Variants in KATNAL2 observed in about 807,000 individuals in gnomAD.
The protein encoded by KATNAL2 is katanin catalytic subunit A1 like 2.
In KATNAL2, 52 loss-of-function variants were observed where a neutral mutation model predicts 76.3. That is an observed-to-expected ratio of 0.68 (90% confidence interval 0.55 to 0.86). KATNAL2 has a LOEUF of 0.86. Ranked by LOEUF, KATNAL2 falls within the 40% of genes least tolerant of loss-of-function variation. KATNAL2 has a pLI of 0.00. For synonymous variants in KATNAL2, 243 were observed against 244.2 expected, an observed-to-expected ratio of 1.00 and a Z score of 0.05; for missense variants, 660 against 668.9, an observed-to-expected ratio of 0.99 and a Z score of 0.15.
Position 47,101,007 on chromosome 18 carries a change from A to G in KATNAL2, c.*2A>G, listed in dbSNP as rs1211330448. The G allele has an allele frequency of 2.5e-6, 4 of 1,613,902 alleles. No individual in the cohort carries two copies. The highest frequency in any genetic ancestry group is 3.4e-6 in the Non-Finnish European group (4 of 1,179,988). On this transcript the variant is annotated 3_prime_UTR_variant, in exon 18 of 18. Coordinates refer to ENST00000683218, the MANE Select transcript of KATNAL2 (RefSeq NM_001387690.1). ...CAAAGAGAGTTCGAGTCTGTCTGAA[A>G]CCACATTTACCCTGACCTGGCCACA...
chr18:47,052,905 G>A lies in KATNAL2; in HGVS notation c.148G>A (p.Glu50Lys). Residue 50 changes from glutamate (E) to lysine (K), a missense_variant, in exon 5 of 18, where the codon GAG becomes AAG. Transcript: ENST00000683218. ...EGYIDTANAL[E>K]QETKLGLRRF... is the part of the protein sequence containing the mutation. ...GTATATCGATACAGCAAATGCTTTGGAGCAAGAAACTAAACTGGGGTTACG... is the reference window on the plus strand; with the variant it reads ...GTATATCGATACAGCAAATGCTTTGAAGCAAGAAACTAAACTGGGGTTACG... 1.2e-6 allele frequency: 2 copies of A among 1,609,902 alleles called. No homozygotes were observed. Among genetic ancestry groups the A allele is most frequent in the South Asian group, 2.2e-5 (2 of 89,946 alleles).
Position 47,055,392 on chromosome 18 carries a change from G to A in KATNAL2, c.332+954G>A, listed in dbSNP as rs183899447. ...CATGCAACTTATTAGGCCCTCAAGA[G>A]GTATGGATTCTGTTATGCCTCCGCT... On this transcript the variant is annotated intron_variant, in intron 6 of 17. Coordinates refer to ENST00000683218, the MANE Select transcript of KATNAL2 (RefSeq NM_001387690.1). Among the ~76,000 whole-genome samples, 650 of 152,278 alleles carry A rather than the reference G, an allele frequency of 4.3e-3. 3 individuals carry two copies. The highest frequency in any genetic ancestry group is 6.5e-3 in the Non-Finnish European group (445 of 68,030).
intron 3 of KATNAL2, among the ~76,000 whole-genome samples, chr18:47,032,231 A>G (rs939925017): frequency 6.6e-6 from 1 of 152,242 alleles, no homozygotes; most frequent in Non-Finnish European, 1.5e-5. Flanking sequence ...GAAATCCGAT[A>G]GTTCCTTTTT....
Position 46,927,049 on chromosome 18 carries a change from C to G in KATNAL2, c.-510+9123C>G, listed in dbSNP as rs200082063. ...TTGACTTTTTATCCAATTTTCCAGT[C>G]TGTGTCTTTTAATTGGAGCATTTAG... is the stretch of plus-strand genomic sequence containing the variant. On this transcript the variant is annotated intron_variant, in intron 1 of 17. Coordinates refer to ENST00000683218, the MANE Select transcript of KATNAL2 (RefSeq NM_001387690.1). Among the ~76,000 whole-genome samples, 104 of 152,260 alleles carry G rather than the reference C, an allele frequency of 6.8e-4. 1 individual carries two copies. Among genetic ancestry groups the G allele is most frequent in the Admixed American group, 1.9e-3 (29 of 15,278 alleles).
In KATNAL2 at chr18:46,946,177, A is replaced by T. The variant is rs762925411; in HGVS notation, c.-389A>T. The stretch of plus-strand genomic sequence containing the variant: ...TGGAATAGGATTCACAGCAAGAGAG[A>T]CAGAAGGGAAAGACATTGAAGAAAC... On this transcript the variant is annotated 5_prime_UTR_variant, in exon 2 of 18. Transcript: ENST00000683218. 11 of 997,226 alleles carry T rather than the reference A, an allele frequency of 1.1e-5. No homozygotes were observed. The highest frequency in any genetic ancestry group is 1.3e-5 in the Non-Finnish European group (11 of 831,066). 61.8% of individuals were successfully genotyped at this position (997,226 alleles called of 1,614,324 possible).
At chr18:46,950,686 CTCTTTT>C (rs2059526071) in intron 3 of KATNAL2, among the ~76,000 whole-genome samples, 1 of 152,000 alleles carries the variant, frequency 6.6e-6, no homozygotes, top group African/African-American at 2.4e-5. Flanking sequence ...CATGTTTATA[CTCTTTT>C]TCTTTTTTTG....
At chr18:46,948,050 C>T (rs190661940) in intron 3 of KATNAL2, among the ~76,000 whole-genome samples, 2 of 152,252 alleles carry the variant, frequency 1.3e-5, no homozygotes, top group Non-Finnish European at 2.9e-5. Context: ...ACGAACTCTA[C>T]GTTTGAAAAA....
At chr18:46,942,378 A>G (rs931622916) in intron 1 of KATNAL2, among the ~76,000 whole-genome samples, 2 of 152,172 alleles carry the variant, frequency 1.3e-5, no homozygotes, top group Non-Finnish European at 2.9e-5. Flanking sequence ...ACACTTTGGG[A>G]GGCCGAGGTG....
At chr18:47,043,043 C>G (rs915564391) in intron 3 of KATNAL2, among the ~76,000 whole-genome samples, 1 of 151,820 alleles carries the variant, frequency 6.6e-6, no homozygotes, top group South Asian at 2.1e-4. Flanking sequence ...CTGGCTAATA[C>G]GGTGAAACCC....
chr18:46,921,592 G>A (rs2058548146), intron 1 of KATNAL2, among the ~76,000 whole-genome samples: 1 of 151,816 alleles, frequency 6.6e-6, no homozygotes, highest in Non-Finnish European at 1.5e-5. Flanking sequence ...TAGATCAGGT[G>A]TATGAGTGTA....
At chr18:46,936,787 A>C (rs1456627848) in intron 1 of KATNAL2, among the ~76,000 whole-genome samples, 1 of 152,116 alleles carries the variant, frequency 6.6e-6, no homozygotes, top group Non-Finnish European at 1.5e-5. Flanking sequence ...CCCCATCTCT[A>C]CTAAAAATAT....
intron 1 of KATNAL2, among the ~76,000 whole-genome samples, chr18:46,919,005 ATATGTGTG>A (rs1382012455): frequency 7.5e-5 from 11 of 147,180 alleles, no homozygotes; most frequent in African/African-American, 2.9e-4. Flanking sequence ...GTATATATAT[ATATGTGTG>A]TGTGTGTGTG....
Position 47,075,361 on chromosome 18 carries a change from G to C in KATNAL2, c.1093G>C (p.Ala365Pro). 1 of 1,534,070 alleles carries C rather than the reference G, an allele frequency of 6.5e-7. No homozygotes were observed. Among genetic ancestry groups the C allele is most frequent in the Non-Finnish European group, 8.7e-7 (1 of 1,146,626 alleles). Residue 365 changes from alanine to proline, a missense_variant, in exon 14 of 18, where the codon GCT becomes CCT. Coordinates refer to ENST00000683218, the MANE Select transcript of KATNAL2 (RefSeq NM_001387690.1). ...GTCGGTGATGAGTCAGAGAGGCACA[G>C]CTTCTGGGTAACAGACAGGGTTGGG... ...LESVMSQRGT[A>P]SGGEHEGSLR...
At chr18:47,073,992 GT>G (rs1291451367) in intron 13 of KATNAL2, among the ~76,000 whole-genome samples, 1 of 152,106 alleles carries the variant, frequency 6.6e-6, no homozygotes, top group Non-Finnish European at 1.5e-5. Flanking sequence ...ACATGTACGG[GT>G]TTTATATTCT....
intron 15 of KATNAL2, among the ~76,000 whole-genome samples, chr18:47,079,413 G>A (rs1279359499): frequency 7.9e-6 from 1 of 126,290 alleles, no homozygotes; most frequent in Non-Finnish European, 1.7e-5. Context: ...TTTTTTTTTT[G>A]AGATGGATCC....
chr18:47,036,875 A>AT (rs1028771306), intron 3 of KATNAL2, among the ~76,000 whole-genome samples: 5 of 152,114 alleles, frequency 3.3e-5, no homozygotes, highest in African/African-American at 9.7e-5. Context: ...TATTTCTAGC[A>AT]TTTTTTTGGG....
chr18:46,940,365 C>G (rs1428855777), intron 1 of KATNAL2, among the ~76,000 whole-genome samples: 2 of 152,220 alleles, frequency 1.3e-5, no homozygotes, highest in Non-Finnish European at 2.9e-5. Flanking sequence ...GCTCTTTAGT[C>G]TTACATTCCA....
intron 1 of KATNAL2, chr18:46,920,245 T>C (rs775234649): frequency 7.7e-5 from 34 of 443,968 alleles, no homozygotes; most frequent in Non-Finnish European, 1.4e-4. Flanking sequence ...GGCATATAAA[T>C]CTGATTAGTA....
intron 15 of KATNAL2, among the ~76,000 whole-genome samples, chr18:47,080,739 C>T (rs374285837): frequency 2.6e-5 from 4 of 152,142 alleles, no homozygotes; most frequent in African/African-American, 9.7e-5. Flanking sequence ...TGTAGCCATC[C>T]GAGTGGGTAA....
Sources: allele counts gnomAD v4.1 joint callset (sites outside exome capture counted in the v4.1 genomes callset), GRCh38; gene constraint gnomAD v4.1.1; transcripts MANE v1.5; gene names NCBI Gene and HGNC (gene_info 2026-07-23, HGNC 2026-07-21).